The following PTPRM variants were observed in gnomAD, a reference collection of about 807,000 sequenced individuals.
PTPRM encodes the protein protein tyrosine phosphatase receptor type M.
Under a neutral mutation model 186.7 loss-of-function variants are expected in PTPRM, and 47 were observed. That is an observed-to-expected ratio of 0.25 (90% CI 0.20 to 0.32). PTPRM has a LOEUF of 0.32. Ranked by LOEUF, PTPRM falls within the 10% of genes least tolerant of loss-of-function variation. The pLI is 1.00. For missense variants in PTPRM, 1,494 were observed against 1,865.0 expected, an observed-to-expected ratio of 0.80 and a Z score of 3.66; for synonymous variants, 668 against 674.9, an observed-to-expected ratio of 0.99 and a Z score of 0.16.
intron 14 of PTPRM, among the ~76,000 whole-genome samples, chr18:8,154,274 CAGTT>C (rs1188349220): frequency 1.3e-5 from 2 of 152,180 alleles, no homozygotes; most frequent in African/African-American, 2.4e-5. Context: ...TTGTTACTGT[CAGTT>C]AGAAGCAAAT....
chr18:7,995,600 G>A (rs1286689095), intron 7 of PTPRM: 1 of 152,138 alleles, frequency 6.6e-6, no homozygotes, highest in Non-Finnish European at 1.5e-5. Flanking sequence ...CATTTCTATA[G>A]TTCATTACTA....
At chr18:8,018,976 A>G (rs1049222855) in intron 7 of PTPRM, among the ~76,000 whole-genome samples, 2 of 152,204 alleles carry the variant, frequency 1.3e-5, no homozygotes, top group African/African-American at 4.8e-5. Context: ...CGTAATAACG[A>G]CAGTAATAAC....
At chr18:7,900,150 G>C (rs1355763154) in intron 3 of PTPRM, among the ~76,000 whole-genome samples, 1 of 152,212 alleles carries the variant, frequency 6.6e-6, no homozygotes, top group African/African-American at 2.4e-5. Flanking sequence ...AATATTTCAG[G>C]CTTTACAGTC....
chr18:7,851,747 G>A (rs941371793), intron 2 of PTPRM, among the ~76,000 whole-genome samples: 3 of 152,184 alleles, frequency 2.0e-5, no homozygotes, highest in South Asian at 2.1e-4. Flanking sequence ...AAGCATGATC[G>A]TGCAGGGAAT....
chr18:7,581,697 C>T (rs997908229), intron 1 of PTPRM, among the ~76,000 whole-genome samples: 1 of 150,742 alleles, frequency 6.6e-6, no homozygotes, highest in Admixed American at 6.6e-5. Flanking sequence ...GCTCTGTCAC[C>T]CCAGCTGGAG....
chr18:8,269,520 A>G (rs957790927), intron 19 of PTPRM, among the ~76,000 whole-genome samples: 2 of 149,660 alleles, frequency 1.3e-5, no homozygotes, highest in African/African-American at 4.8e-5. Context: ...GGCATTTTTT[A>G]ACAAATAGGA....
chr18:8,230,764 A>G (rs2094276856), intron 14 of PTPRM, among the ~76,000 whole-genome samples: 1 of 152,216 alleles, frequency 6.6e-6, no homozygotes, highest in African/African-American at 2.4e-5. Context: ...TAAATATCAG[A>G]CCACTATGTT....
chr18:7,645,028 T>A (rs1268041531), intron 1 of PTPRM, among the ~76,000 whole-genome samples: 1 of 152,202 alleles, frequency 6.6e-6, no homozygotes, highest in Non-Finnish European at 1.5e-5. Flanking sequence ...TTAATATGTC[T>A]ACATAAAACT....
chr18:8,143,557 T>G, intron 13 of PTPRM, 90 bp from the exon 14 acceptor site: 2 of 1,376,578 alleles, frequency 1.5e-6, no homozygotes, highest in South Asian at 2.5e-5. Flanking sequence ...GTCTTATTAC[T>G]CTGTTAAATG....
intron 4 of PTPRM, among the ~76,000 whole-genome samples, chr18:7,910,633 T>G (rs2050213285): frequency 1.3e-5 from 2 of 152,076 alleles, no homozygotes; most frequent in African/African-American, 2.4e-5. Flanking sequence ...AAACATCTGA[T>G]TGGTTGCAGA....
At position 8,298,970 on chromosome 18, in the gene PTPRM, G is replaced by A. The variant is rs150392108; in HGVS notation, c.2842+2515G>A. Among the ~76,000 whole-genome samples, 595 of 152,284 alleles carry A rather than the reference G, an allele frequency of 3.9e-3. 4 individuals carry two copies. The highest frequency in any genetic ancestry group is 0.014 in the African/African-American group (566 of 41,544). On this transcript the variant is annotated intron_variant, in intron 20 of 32. Transcript: ENST00000580170. The stretch of plus-strand genomic sequence containing the variant: ...CTCTACAAAAAAATTTTAAAAATTA[G>A]TTGGGCGTGATGGTGCGTGCCTGCA...
At chr18:7,631,379 A>T (rs2038187730) in intron 1 of PTPRM, among the ~76,000 whole-genome samples, 1 of 151,850 alleles carries the variant, frequency 6.6e-6, no homozygotes, top group African/African-American at 2.4e-5. Flanking sequence ...CAGTGTTGAT[A>T]ACTGTGATAA....
Position 8,387,271 on chromosome 18 carries a change from C to T in PTPRM, c.4208+36C>T, listed in dbSNP as rs754290696. The T allele has an allele frequency of 8.2e-6, 13 of 1,586,214 alleles. No individual in the cohort carries two copies. The East Asian group carries it at 9.0e-5, about 11-fold the overall frequency. On this transcript the variant is annotated intron_variant, in intron 31 of 32. Coordinates refer to ENST00000580170, the MANE Select transcript of PTPRM (RefSeq NM_001105244.2). ...GACAGAGCTCTTCATTTCAGAACAG[C>T]GAGGCCCCACACTCACTCTCACCTC...
intron 7 of PTPRM, among the ~76,000 whole-genome samples, chr18:8,007,978 G>GTGC (rs2084291557): frequency 6.6e-6 from 1 of 152,082 alleles, no homozygotes; most frequent in Non-Finnish European, 1.5e-5. Flanking sequence ...CCCGCTTGTG[G>GTGC]TGCTGTCTTT....
At chr18:7,870,861 G>T (rs2047948841) in intron 2 of PTPRM, among the ~76,000 whole-genome samples, 1 of 152,086 alleles carries the variant, frequency 6.6e-6, no homozygotes, top group South Asian at 2.1e-4. Flanking sequence ...CTTTAGAAAA[G>T]AACCGTCTCT....
intron 32 of PTPRM, among the ~76,000 whole-genome samples, chr18:8,399,147 T>C (rs947085386): frequency 9.2e-5 from 14 of 152,146 alleles, no homozygotes; most frequent in African/African-American, 3.1e-4. Context: ...GAGGCTGCTT[T>C]ATAGGCAGAA....
At chr18:7,711,722 T>A (rs1002569684) in intron 1 of PTPRM, among the ~76,000 whole-genome samples, 9 of 152,208 alleles carry the variant, frequency 5.9e-5, no homozygotes, top group African/African-American at 2.2e-4. Flanking sequence ...TGGGGGAAGT[T>A]CCAATGGGGC....
At chr18:8,289,561 CACATATAT>C (rs2095012237) in intron 19 of PTPRM, among the ~76,000 whole-genome samples, 1 of 76,870 alleles carries the variant, frequency 1.3e-5, no homozygotes, top group African/African-American at 6.6e-5. Context: ...CATATATATA[CACATATAT>C]ATATATACAT....
chr18:7,683,514 C>T (rs995267932), intron 1 of PTPRM, among the ~76,000 whole-genome samples: 9 of 152,000 alleles, frequency 5.9e-5, no homozygotes, highest in Non-Finnish European at 1.2e-4. Flanking sequence ...TCCTTTCTTT[C>T]TTCATCTTCA....
Sources: allele counts gnomAD v4.1 joint callset (sites outside exome capture counted in the v4.1 genomes callset), GRCh38; gene constraint gnomAD v4.1.1; transcripts MANE v1.5; gene names NCBI Gene and HGNC (gene_info 2026-07-23, HGNC 2026-07-21).